The following ARL5A variants were observed in gnomAD, a reference collection of about 807,000 sequenced individuals.
ARL5A encodes the protein ARF like GTPase 5A.
ARL5A carries 18 observed loss-of-function variants against 25.9 expected under a neutral mutation model. The ratio of observed to expected loss-of-function variants is 0.69; its 90% CI spans 0.48 to 1.03. ARL5A has a LOEUF of 1.03. ARL5A is among the 50% of genes least tolerant of loss of function. The probability of loss-of-function intolerance (pLI) is 0.00; values close to 1 mark genes in which losing one functional copy is unlikely to be tolerated. For missense variants in ARL5A, 170 were observed against 211.9 expected, an observed-to-expected ratio of 0.80 and a Z score of 1.23; for synonymous variants, 61 against 67.5, an observed-to-expected ratio of 0.90 and a Z score of 0.47.
Position 151,801,612 on chromosome 2 carries a change from A to G in ARL5A, c.*1664T>C, listed in dbSNP as rs1415289200. On this transcript the variant is annotated 3_prime_UTR_variant, in exon 6 of 6. Coordinates refer to ENST00000295087, the MANE Select transcript of ARL5A (RefSeq NM_012097.4). ...ATTTTGAACATTATAAATATAAAAC[A>G]TAAAACATCCAATGTTAAATACTGA... The G allele has an allele frequency of 6.6e-6, 1 of 152,136 alleles. No homozygotes were observed. Among genetic ancestry groups the G allele is most frequent in the Non-Finnish European group, 1.5e-5 (1 of 67,954 alleles). The allele number at this position is 152,136 out of a possible 1,614,324, so 9.4% of individuals were successfully genotyped here.
chr2:151,825,317 A>C (rs748466237), intron 1 of ARL5A, among the ~76,000 whole-genome samples: 1 of 152,158 alleles, frequency 6.6e-6, no homozygotes, highest in Non-Finnish European at 1.5e-5. Context: ...GGGAAAAATG[A>C]TGTCAATCTC....
At chr2:151,818,415 A>G (rs903198381) in intron 1 of ARL5A, among the ~76,000 whole-genome samples, 1 of 152,284 alleles carries the variant, frequency 6.6e-6, no homozygotes. Context: ...AGTAGCTGAG[A>G]CCACAGGTGT....
Position 151,828,266 on chromosome 2 carries a change from G to A in ARL5A, c.-90C>T. The A allele has an allele frequency of 8.5e-7, 1 of 1,169,894 alleles. No homozygotes were observed. The highest frequency in any genetic ancestry group is 1.2e-6 in the Non-Finnish European group (1 of 812,464). 72.5% of individuals were successfully genotyped at this position (1,169,894 alleles called of 1,614,324 possible). On this transcript the variant is annotated 5_prime_UTR_variant, in exon 1 of 6. Coordinates refer to ENST00000295087, the MANE Select transcript of ARL5A (RefSeq NM_012097.4). ...AGGGGGAGGAGAGAGACGCGCTGGA[G>A]CCTCCGCCTCTGCTGCTGCTCCCGC...
intron 5 of ARL5A, among the ~76,000 whole-genome samples, chr2:151,805,024 T>C (rs1156695416): frequency 1.3e-5 from 2 of 152,198 alleles, no homozygotes; most frequent in Non-Finnish European, 2.9e-5. Context: ...ACATTTTCCA[T>C]ACAATTATCA....
chr2:151,805,317 G>A (rs9288006), intron 5 of ARL5A, among the ~76,000 whole-genome samples: 130,901 of 152,020 alleles, frequency 0.86, 57,116 homozygotes, highest in Middle Eastern at 0.94. Context: ...TCAATAATTC[G>A]TTATATTTGG....
At position 151,828,220 on chromosome 2, in the gene ARL5A, G is replaced by C. The variant is rs748027977; in HGVS notation, c.-44C>G. On this transcript the variant is annotated 5_prime_UTR_variant, in exon 1 of 6. Transcript: ENST00000295087. ...CCCCCTCCAGACACCCGGGCCGCCT[G>C]GCTTCCCCCGGCTCAGGCTGAGGGG... 4.4e-6 allele frequency: 7 copies of C among 1,579,632 alleles called. No individual in the cohort carries two copies. In the Admixed American group the frequency reaches 1.2e-4, roughly 27 times the overall value.
Position 151,806,909 on chromosome 2 carries a change from C to T in ARL5A, c.403G>A (p.Val135Ile), listed in dbSNP as rs2099830175. ...NKQDVKECMT[V>I]AEISQFLKLT... Reference sequence around the variant, plus strand: ...TTCAAAAACTGGGAGATTTCTGCTACAGTCATGCATTCTTTAACATCTTGT... The same window carrying T: ...TTCAAAAACTGGGAGATTTCTGCTATAGTCATGCATTCTTTAACATCTTGT... Residue 135 changes from valine to isoleucine, a missense_variant, in exon 5 of 6, where the codon GTA becomes ATA. Physicochemically the swap from Val to Ile is conservative, Grantham distance 29 (BLOSUM62 3). Coordinates refer to ENST00000295087, the MANE Select transcript of ARL5A (RefSeq NM_012097.4). The T allele has an allele frequency of 6.2e-7, 1 of 1,613,414 alleles. No homozygotes were observed. Among genetic ancestry groups the T allele is most frequent in the South Asian group, 1.1e-5 (1 of 90,980 alleles).
At chr2:151,811,971 T>C (rs1383205069) in intron 4 of ARL5A, among the ~76,000 whole-genome samples, 1 of 152,198 alleles carries the variant, frequency 6.6e-6, no homozygotes, top group African/African-American at 2.4e-5. Context: ...CATTTAAATA[T>C]TAGTCTGCTG....
chr2:151,816,239 C>T (rs556983348), intron 1 of ARL5A, among the ~76,000 whole-genome samples: 75 of 152,126 alleles, frequency 4.9e-4, no homozygotes, highest in African/African-American at 1.7e-3. Context: ...GTGGTGAGAC[C>T]CTGTTGAAAG....
At chr2:151,807,092 G>A (rs2099830193) in intron 4 of ARL5A, 120 bp from the exon 5 acceptor site, 1 of 839,020 alleles carries the variant, frequency 1.2e-6, no homozygotes, top group Non-Finnish European at 1.8e-6. Context: ...TGACATAAAA[G>A]CATCTCAGTG....
intron 1 of ARL5A, among the ~76,000 whole-genome samples, chr2:151,824,479 T>TAAC (rs1192524977): frequency 5.0e-5 from 6 of 119,948 alleles, no homozygotes; most frequent in Non-Finnish European, 1.0e-4. Flanking sequence ...TTAAACTCCC[T>TAAC]AATAATAATA....
Position 151,828,282 on chromosome 2 carries a change from C to T in ARL5A, c.-106G>A. Reference sequence around the variant, plus strand: ...CGCGCTGGAGCCTCCGCCTCTGCTGCTGCTCCCGCGCTGGTCGCGGGCCCG... The same window carrying T: ...CGCGCTGGAGCCTCCGCCTCTGCTGTTGCTCCCGCGCTGGTCGCGGGCCCG... On this transcript the variant is annotated 5_prime_UTR_variant, in exon 1 of 6. Transcript: ENST00000295087. The T allele has an allele frequency of 9.8e-7, 1 of 1,020,494 alleles. No individual in the cohort carries two copies. The allele number at this position is 1,020,494 out of a possible 1,614,324, so 63.2% of individuals were successfully genotyped here. A position where few individuals can be genotyped will look rare whatever the true frequency, so the allele number is the denominator to read the frequency against.
rs76631482 is a variant in ARL5A, at chr2:151,816,221, T to G, written c.47-1022A>C. 4.5e-3 allele frequency among the ~76,000 whole-genome samples: 687 copies of G among 152,250 alleles called. 6 individuals are homozygous for G. The highest frequency in any genetic ancestry group is 0.016 in the African/African-American group (664 of 41,560). On this transcript the variant is annotated intron_variant, in intron 1 of 5. Transcript: ENST00000295087. ...GTGCAATTTAATGAGTAAGCCCAAG[T>G]TGATCATGTGGTGAGACCCTGTTGA...
chr2:151,806,751 G>C, intron 5 of ARL5A, 70 bp downstream of exon 5: 2 of 1,451,646 alleles, frequency 1.4e-6, no homozygotes, highest in Non-Finnish European at 1.9e-6. Flanking sequence ...ATATTTAGGA[G>C]TTTAAAGAAG....
chr2:151,808,042 C>G (rs550738312), intron 4 of ARL5A, among the ~76,000 whole-genome samples: 16 of 152,264 alleles, frequency 1.1e-4, no homozygotes, highest in African/African-American at 3.4e-4. Flanking sequence ...AATCACAGAT[C>G]TTTCCCCCCA....
At chr2:151,818,073 G>A (rs566304471) in intron 1 of ARL5A, among the ~76,000 whole-genome samples, 2 of 152,312 alleles carry the variant, frequency 1.3e-5, no homozygotes, top group South Asian at 4.1e-4. Flanking sequence ...GACTCAGAGA[G>A]AGCAATTCAT....
chr2:151,828,326 G>A lies in ARL5A; in HGVS notation c.-150C>T, dbSNP rs886123703. ...GGGCCCGCTTCCAGGGAACCGGAGG[G>A]AGGCCGAAGCCCAGGCCGCCCTGCC... On this transcript the variant is annotated 5_prime_UTR_variant, in exon 1 of 6. Coordinates refer to ENST00000295087, the MANE Select transcript of ARL5A (RefSeq NM_012097.4). The A allele has an allele frequency of 1.5e-6, 1 of 656,678 alleles. No homozygotes were observed. The allele number at this position is 656,678 out of a possible 1,614,324, so 40.7% of individuals were successfully genotyped here.
chr2:151,816,532 CATT>C (rs1323683104), intron 1 of ARL5A, among the ~76,000 whole-genome samples: 1 of 152,138 alleles, frequency 6.6e-6, no homozygotes, highest in Non-Finnish European at 1.5e-5. Flanking sequence ...ATATTAATGG[CATT>C]ATATGACCTT....
chr2:151,816,418 C>G (rs1229624234), intron 1 of ARL5A, among the ~76,000 whole-genome samples: 1 of 152,190 alleles, frequency 6.6e-6, no homozygotes, highest in Non-Finnish European at 1.5e-5. Context: ...AACTTCCTAG[C>G]TGAGCTTAGT....
Sources: gnomAD v4.1 joint callset for allele counts (sites outside exome capture counted in the v4.1 genomes callset) on GRCh38, gnomAD v4.1.1 for gene constraint, MANE v1.5 for transcripts, NCBI Gene and HGNC (gene_info 2026-07-23, HGNC 2026-07-21) for gene names.